ITGB1: variants seen among roughly 807,000 people sequenced by gnomAD.
ITGB1 encodes integrin subunit beta 1.
A neutral mutation model predicts 86.5 loss-of-function variants in ITGB1; 24 were observed. The ratio of observed to expected loss-of-function variants is 0.28; its 90% CI spans 0.20 to 0.39. ITGB1 has a LOEUF of 0.39. Ranked by LOEUF, ITGB1 falls within the 10% of genes least tolerant of loss-of-function variation. The pLI, the probability that ITGB1 is intolerant of heterozygous loss-of-function variation, is 1.00. For missense variants in ITGB1, 556 were observed against 946.9 expected, an observed-to-expected ratio of 0.59 and a Z score of 5.42; for synonymous variants, 323 against 316.8, an observed-to-expected ratio of 1.02 and a Z score of -0.21.
At chr10:32,946,560 G>A (rs907118345) in intron 1 of ITGB1, among the ~76,000 whole-genome samples, 4 of 152,140 alleles carry the variant, frequency 2.6e-5, no homozygotes, top group Non-Finnish European at 5.9e-5. Flanking sequence ...GGTAGGAGAA[G>A]TGGGGCATAT....
At chr10:32,945,595 T>C (rs746086848) in intron 1 of ITGB1, among the ~76,000 whole-genome samples, 9 of 147,918 alleles carry the variant, frequency 6.1e-5, no homozygotes, top group Non-Finnish European at 8.9e-5. Context: ...CGAGACTCTG[T>C]CTCAAAAAAA....
chr10:32,911,122 A>G (rs1277960902), intron 13 of ITGB1, among the ~76,000 whole-genome samples: 1 of 152,364 alleles, frequency 6.6e-6, no homozygotes, highest in East Asian at 1.9e-4. Flanking sequence ...AGTTTTGTCA[A>G]AAGACAGTAA....
intron 11 of ITGB1, among the ~76,000 whole-genome samples, chr10:32,912,795 A>T (rs2094917676): frequency 1.3e-5 from 2 of 152,232 alleles, no homozygotes; most frequent in African/African-American, 4.8e-5. Flanking sequence ...TCCGTGTCTG[A>T]CAGCTTTGAA....
intron 3 of ITGB1, among the ~76,000 whole-genome samples, chr10:32,930,436 C>T (rs577508395): frequency 2.0e-5 from 3 of 152,206 alleles, no homozygotes; most frequent in South Asian, 4.1e-4. Flanking sequence ...CCTTACAAAG[C>T]GTCTCATATT....
chr10:32,944,590 T>A lies in ITGB1; in HGVS notation c.1-9032A>T, dbSNP rs968430674. 3.2e-5 allele frequency: 17 copies of A among 539,624 alleles called. No homozygotes were observed. In the African/African-American group the frequency reaches 3.2e-4, roughly 10 times the overall value. The allele number at this position is 539,624 out of a possible 1,614,324, so 33.4% of individuals were successfully genotyped here. A position where few individuals can be genotyped will look rare whatever the true frequency, so the allele number is the denominator to read the frequency against. On this transcript the variant is annotated intron_variant, in intron 1 of 15. Transcript: ENST00000302278. ...ACCAAAGGAAACTCATCCGAGATGA[T>A]GTCATGACTCAGCTGGCCCTATATG...
chr10:32,954,180 T>C (rs1017727867), intron 1 of ITGB1, among the ~76,000 whole-genome samples: 16 of 152,066 alleles, frequency 1.1e-4, no homozygotes, highest in Non-Finnish European at 1.9e-4. Context: ...AACTGCAATT[T>C]AGACATCTCC....
chr10:32,913,988 C>A (rs538572287), intron 11 of ITGB1, among the ~76,000 whole-genome samples: 5 of 152,294 alleles, frequency 3.3e-5, no homozygotes, highest in African/African-American at 1.2e-4. Context: ...CTCTACAAGC[C>A]AGAAGAGAGT....
At chr10:32,906,558 C>A in intron 15 of ITGB1, 1 of 186,478 alleles carries the variant, frequency 5.4e-6, no homozygotes, top group Non-Finnish European at 1.2e-5. Flanking sequence ...CCACTGCACT[C>A]CAGGCTGGGC....
intron 2 of ITGB1, among the ~76,000 whole-genome samples, chr10:32,935,137 C>T (rs1211174304): frequency 6.6e-6 from 1 of 152,138 alleles, no homozygotes; most frequent in Non-Finnish European, 1.5e-5. Flanking sequence ...TAATAATGGA[C>T]AGTTCATAAT....
intron 11 of ITGB1, 50 bp from the exon 12 acceptor site, chr10:32,912,174 G>C (rs201276899): frequency 1.3e-6 from 2 of 1,493,060 alleles, no homozygotes; most frequent in African/African-American, 1.4e-5. Context: ...AATAATTTAA[G>C]AGGTTCCAAG....
chr10:32,928,142 T>C lies in ITGB1; in HGVS notation c.499A>G (p.Thr167Ala). 1.3e-6 allele frequency: 2 copies of C among 1,577,324 alleles called. No homozygotes were observed. Among genetic ancestry groups the C allele is most frequent in the Non-Finnish European group, 1.7e-6 (2 of 1,146,724 alleles). ...DDLENVKSLG[T>A]DLMNEMRRIT... ...CTCCTCATTTCATTCATCAGATCTG[T>C]TCCAAGACTTTTTACATTCTCCAAA... Residue 167 changes from threonine to alanine, a missense_variant, in exon 5 of 16, where the codon ACA (threonine) becomes GCA (alanine). Coordinates refer to ENST00000302278, the MANE Select transcript of ITGB1 (RefSeq NM_002211.4).
At chr10:32,921,912 A>G (rs2094951271) in intron 9 of ITGB1, among the ~76,000 whole-genome samples, 1 of 152,120 alleles carries the variant, frequency 6.6e-6, no homozygotes. Context: ...TCTATAAAGG[A>G]TATTTTGGGG....
At chr10:32,954,741 G>A (rs2095049109) in intron 1 of ITGB1, among the ~76,000 whole-genome samples, 1 of 152,174 alleles carries the variant, frequency 6.6e-6, no homozygotes, top group Non-Finnish European at 1.5e-5. Flanking sequence ...GTGCTTGTGT[G>A]TATGTGTGTA....
At chr10:32,935,816 C>A (rs1354254318) in intron 1 of ITGB1, 3 of 301,302 alleles carry the variant, frequency 1.0e-5, no homozygotes, top group African/African-American at 2.1e-5. Flanking sequence ...TAAAGCAAAC[C>A]GATTATATTT....
rs1202863413 is a variant in ITGB1, at chr10:32,924,980, A to C, written c.786+891T>G. On this transcript the variant is annotated intron_variant, in intron 6 of 15. Transcript: ENST00000302278. Reference sequence around the variant, plus strand: ...TAAATTGCCCAGCATCAGTGGTGATAGAAAAATTCTTAATTACTATCCATA... The same window carrying C: ...TAAATTGCCCAGCATCAGTGGTGATCGAAAAATTCTTAATTACTATCCATA... Among the ~76,000 whole-genome samples, 4 of 152,318 alleles carry C rather than the reference A, an allele frequency of 2.6e-5. No homozygotes were observed. In the East Asian group the frequency reaches 7.7e-4, roughly 29 times the overall value.
chr10:32,945,240 A>C (rs1452961188), intron 1 of ITGB1, among the ~76,000 whole-genome samples: 2 of 152,296 alleles, frequency 1.3e-5, no homozygotes, highest in African/African-American at 2.4e-5. Context: ...GAGATGTCTT[A>C]ACTTTTAAAA....
chr10:32,918,486 C>T (rs762616980), intron 11 of ITGB1, among the ~76,000 whole-genome samples: 1 of 152,190 alleles, frequency 6.6e-6, no homozygotes, highest in East Asian at 1.9e-4. Context: ...AAGTCACAGT[C>T]GTGTAGTAAA....
intron 15 of ITGB1, among the ~76,000 whole-genome samples, chr10:32,901,981 A>G (rs1439364875): frequency 6.6e-6 from 1 of 152,182 alleles, no homozygotes; most frequent in Non-Finnish European, 1.5e-5. Context: ...GCCTTAATGA[A>G]GCATGAACTC....
At chr10:32,937,497 A>G (rs1346899537) in intron 1 of ITGB1, among the ~76,000 whole-genome samples, 1 of 145,924 alleles carries the variant, frequency 6.9e-6, no homozygotes, top group Non-Finnish European at 1.5e-5. Flanking sequence ...CGGAGGTTGC[A>G]GTGAGCCAAG....
Sources: gnomAD v4.1 joint callset for allele counts (sites outside exome capture counted in the v4.1 genomes callset) on GRCh38, gnomAD v4.1.1 for gene constraint, MANE v1.5 for transcripts, NCBI Gene and HGNC (gene_info 2026-07-23, HGNC 2026-07-21) for gene names.